The following TEX2 variants were observed in gnomAD, a reference collection of about 807,000 sequenced individuals.
TEX2 encodes testis-expressed protein 2.
In TEX2, 53 loss-of-function variants were observed where a neutral mutation model predicts 106.9. The observed-to-expected ratio is 0.50, with a 90% CI of 0.40 to 0.62. The LOEUF is 0.62. TEX2 is among the 20% of genes least tolerant of loss of function. The pLI is 0.00. For missense variants in TEX2, 1,207 were observed against 1,379.0 expected (o/e 0.88, Z 1.98); for synonymous variants, 523 against 534.8 (o/e 0.98, Z 0.30).
At position 64,213,292 on chromosome 17, in the gene TEX2, A is replaced by G. The variant is rs1555631961; in HGVS notation, c.926T>C (p.Ile309Thr). ...YEPFQLLSKIIGEESGSHRPK... is the reference protein window; with the variant it reads ...YEPFQLLSKITGEESGSHRPK... ...CCTATGGCTGCCACTTTCTTCCCCTATAATTTTACTAAGGAGCTGAAAAGG... is the reference window on the plus strand; with the variant it reads ...CCTATGGCTGCCACTTTCTTCCCCTGTAATTTTACTAAGGAGCTGAAAAGG... Residue 309 changes from isoleucine to threonine, a missense_variant, in exon 2 of 12, where the codon ATA (isoleucine) becomes ACA (threonine). This residue lies in a region of TEX2 where 1,067 missense variants were observed against 1,193.6 expected (regional missense o/e 0.89). Coordinates refer to ENST00000584379, the MANE Select transcript of TEX2 (RefSeq NM_001288732.2). This position sits in a 1 kb window ranked among gnomAD's most constrained non-coding sequence, Gnocchi z 4.4. The G allele has an allele frequency of 1.9e-6, 3 of 1,614,074 alleles. No homozygotes were observed. Among genetic ancestry groups the G allele is most frequent in the South Asian group, 1.1e-5 (1 of 91,080 alleles).
At position 64,213,858 on chromosome 17, in the gene TEX2, A is replaced by C; in HGVS notation, c.360T>G (p.Pro120=). 6.2e-7 allele frequency: 1 copy of C among 1,614,236 alleles called. No individual in the cohort carries two copies. The highest frequency in any genetic ancestry group is 8.5e-7 in the Non-Finnish European group (1 of 1,180,030). The change falls in exon 2 of 12, where the codon CCT becomes CCG. Residue 120 remains proline, a synonymous_variant. Coordinates refer to ENST00000584379, the MANE Select transcript of TEX2 (RefSeq NM_001288732.2). This position sits in a 1 kb window ranked among gnomAD's most constrained non-coding sequence, Gnocchi z 4.4. ...TACTTAATACTTGTGCTGCTGGAAC[A>C]GGGGACTCCAACAGCTTTACAGTGT... ...SKNTVKLLES[P]VPAAQVLSTV...
chr17:64,231,606 T>G (rs1948555780), intron 1 of TEX2, among the ~76,000 whole-genome samples: 1 of 152,194 alleles, frequency 6.6e-6, no homozygotes, highest in African/African-American at 2.4e-5. Context: ...TTAATAGATG[T>G]GTTTGTCATT....
At position 64,212,827 on chromosome 17, in the gene TEX2, G is replaced by A. The variant is rs782103696; in HGVS notation, c.1391C>T (p.Ser464Leu). Residue 464 changes from serine to leucine, a missense_variant, in exon 2 of 12, where the codon TCG becomes TTG. Ser to Leu is a moderately radical substitution (Grantham distance 145). Transcript: ENST00000584379. ...VVLDSEDEVD[S>L]AVQHPELPVK... ...TGGCAATTCCGGGTGCTGCACGGCC[G>A]AGTCCACCTCGTCCTCACTGTCAAG... 7 of 1,614,014 alleles carry A rather than the reference G, an allele frequency of 4.3e-6. 1 individual carries two copies. The highest frequency in any genetic ancestry group is 1.6e-4 in the Middle Eastern group (1 of 6,062).
At chr17:64,168,901 G>GTTT (rs1232809947) in intron 7 of TEX2, among the ~76,000 whole-genome samples, 1 of 35,240 alleles carries the variant, frequency 2.8e-5, no homozygotes, top group Non-Finnish European at 5.8e-5. Flanking sequence ...CATAGATGGT[G>GTTT]CTTTTTTTTT....
At chr17:64,166,490 C>T (rs544131101) in intron 7 of TEX2, among the ~76,000 whole-genome samples, 45 of 152,320 alleles carry the variant, frequency 3.0e-4, no homozygotes, top group African/African-American at 1.1e-3. Flanking sequence ...TGCTGCTGAC[C>T]CGGGCAAGTC....
intron 2 of TEX2, among the ~76,000 whole-genome samples, chr17:64,211,441 A>G (rs1213781584): frequency 2.6e-5 from 4 of 152,214 alleles, no homozygotes; most frequent in African/African-American, 7.2e-5. Context: ...CTCTAAAAAC[A>G]TATACAATCA....
At chr17:64,240,288 TAA>T (rs2033864257) in intron 1 of TEX2, among the ~76,000 whole-genome samples, 2 of 151,816 alleles carry the variant, frequency 1.3e-5, no homozygotes, top group African/African-American at 4.8e-5. Flanking sequence ...AATAAATGTT[TAA>T]AAGCCTATTC....
chr17:64,210,619 C>A (rs2032968821), intron 2 of TEX2, among the ~76,000 whole-genome samples: 1 of 134,092 alleles, frequency 7.5e-6, no homozygotes, highest in Admixed American at 7.8e-5. Flanking sequence ...TAAAAGAATT[C>A]TCCCCAACCC....
At chr17:64,229,537 T>C (rs1419350844) in intron 1 of TEX2, among the ~76,000 whole-genome samples, 1 of 152,166 alleles carries the variant, frequency 6.6e-6, no homozygotes, top group African/African-American at 2.4e-5. Context: ...TTTTGAGATG[T>C]TGAAGCTCTC....
At chr17:64,228,970 A>ACC (rs2033589562) in intron 1 of TEX2, among the ~76,000 whole-genome samples, 2 of 126,828 alleles carry the variant, frequency 1.6e-5, no homozygotes, top group African/African-American at 5.8e-5. Context: ...ACACACACAC[A>ACC]CCTTTTCTAC....
At chr17:64,193,468 C>G (rs910553133) in intron 4 of TEX2, 91 bp downstream of exon 4, 4,873 of 912,634 alleles carry the variant, frequency 5.3e-3, no homozygotes, top group Non-Finnish European at 6.4e-3. Flanking sequence ...GGTGGGCTTC[C>G]TTCCTTCCTT....
rs764773178 is a variant in TEX2 at position 64,193,599 on chromosome 17, C to T, written c.2136G>A (p.Ser712=). ...RRFILASKLK[S]EIKKSSGVSG... ...AGACACCCGATGACTTCTTGATTTC[C>T]GACTTTAGCTTAGATGCCAGAATAA... Residue 712 remains serine, a synonymous_variant, in exon 4 of 12, where the codon TCG becomes TCA. Transcript: ENST00000584379. 2.4e-5 allele frequency: 35 copies of T among 1,443,100 alleles called. No homozygotes were observed. Among genetic ancestry groups the T allele is most frequent in the African/African-American group, 2.9e-5 (2 of 69,640 alleles). 89.4% of individuals were successfully genotyped at this position (1,443,100 alleles called of 1,614,324 possible).
chr17:64,260,373 C>T (rs760601272), intron 1 of TEX2, among the ~76,000 whole-genome samples: 92 of 152,246 alleles, frequency 6.0e-4, no homozygotes, highest in Non-Finnish European at 1.1e-3. Context: ...CTTACTCTGT[C>T]ATCCAGGATG....
intron 5 of TEX2, among the ~76,000 whole-genome samples, chr17:64,186,819 T>A (rs4968700): frequency 6.6e-6 from 1 of 151,776 alleles, no homozygotes; most frequent in African/African-American, 2.4e-5. Flanking sequence ...CTGCGAGACC[T>A]TGTCTCAAAA....
At chr17:64,243,808 CTTTT>C (rs782115456) in intron 1 of TEX2, among the ~76,000 whole-genome samples, 1 of 134,470 alleles carries the variant, frequency 7.4e-6, no homozygotes. Context: ...TAAAACACCA[CTTTT>C]TTTTTTTTTT....
At chr17:64,240,107 T>C (rs2033857916) in intron 1 of TEX2, among the ~76,000 whole-genome samples, 1 of 151,842 alleles carries the variant, frequency 6.6e-6, no homozygotes, top group African/African-American at 2.4e-5. Context: ...TACAAACTAG[T>C]AAGTACACTG....
chr17:64,179,273 A>G (rs1169147133), intron 5 of TEX2, among the ~76,000 whole-genome samples: 2 of 152,208 alleles, frequency 1.3e-5, no homozygotes, highest in Non-Finnish European at 2.9e-5. Context: ...TGTAAAATGT[A>G]CCAATCAGCA....
At chr17:64,182,242 G>C (rs1025729954) in intron 5 of TEX2, among the ~76,000 whole-genome samples, 1 of 152,094 alleles carries the variant, frequency 6.6e-6, no homozygotes, top group East Asian at 1.9e-4. Flanking sequence ...GACAAATACT[G>C]TATAATTCTA....
intron 8 of TEX2, among the ~76,000 whole-genome samples, chr17:64,157,834 A>G (rs1291250352): frequency 6.6e-6 from 1 of 152,218 alleles, no homozygotes; most frequent in Non-Finnish European, 1.5e-5. Flanking sequence ...AAGAGGTCAG[A>G]TGGGGCCACC....
Sources: allele counts gnomAD v4.1 joint callset (sites outside exome capture counted in the v4.1 genomes callset), GRCh38; gene constraint gnomAD v4.1.1; regional missense constraint gnomAD v4.1.1; non-coding constraint Gnocchi (gnomAD v3.1); transcripts MANE v1.5; gene names NCBI Gene and HGNC (gene_info 2026-07-23, HGNC 2026-07-21).